MTTP: variants seen among roughly 807,000 people sequenced by gnomAD.
MTTP encodes the protein microsomal triglyceride transfer protein, also known as microsomal triglyceride transfer protein large subunit.
In MTTP, 49 loss-of-function variants were observed where a neutral mutation model predicts 90.6. The ratio of observed to expected loss-of-function variants is 0.54; its 90% CI spans 0.43 to 0.69. The LOEUF is 0.69. Ranked by LOEUF, MTTP falls within the 30% of genes least tolerant of loss-of-function variation. The pLI, the probability that MTTP is intolerant of heterozygous loss-of-function variation, is 0.00. For missense variants in MTTP, 945 were observed against 1,067.5 expected (o/e 0.89, Z 1.60); for synonymous variants, 347 against 384.2 (o/e 0.90, Z 1.13).
In MTTP at chr4:99,581,917, G is replaced by C; in HGVS notation, c.74G>C (p.Gly25Ala). The C allele has an allele frequency of 6.2e-6, 10 of 1,614,064 alleles. No homozygotes were observed. The highest frequency in any genetic ancestry group is 8.5e-6 in the Non-Finnish European group (10 of 1,179,956). ...YSASVKGHTT[G>A]LSLNNDRLYK... is the part of the protein sequence containing the mutation. Reference sequence around the variant, plus strand: ...TATCTTTATGCAGGTCACACAACTGGTCTCTCATTAAATAATGACCGGCTG... The same window carrying C: ...TATCTTTATGCAGGTCACACAACTGCTCTCTCATTAAATAATGACCGGCTG... The change falls in exon 2 of 18, where the codon GGT becomes GCT. Residue 25 changes from glycine to alanine, a missense_variant. Coordinates refer to ENST00000265517, the MANE Select transcript of MTTP (RefSeq NM_001386140.1).
At chr4:99,595,702 A>T (rs940670928) in intron 7 of MTTP, 3 of 152,110 alleles carry the variant, frequency 2.0e-5, no homozygotes, top group African/African-American at 7.2e-5. Flanking sequence ...GGAAAAAGGA[A>T]ACATTTTAAA....
At chr4:99,622,405 A>G (rs1726258394) in intron 17 of MTTP, among the ~76,000 whole-genome samples, 1 of 152,214 alleles carries the variant, frequency 6.6e-6, no homozygotes, top group African/African-American at 2.4e-5. Flanking sequence ...GCAAAGCTTA[A>G]TGGCATCACC....
At position 99,611,376 on chromosome 4, in the gene MTTP, T is replaced by G; in HGVS notation, c.1912T>G (p.Ser638Ala). The G allele has an allele frequency of 6.2e-7, 1 of 1,614,012 alleles. No homozygotes were observed. Among genetic ancestry groups the G allele is most frequent in the Non-Finnish European group, 8.5e-7 (1 of 1,179,900 alleles). ...ASTYSLDILY[S>A]GSGILRRSNL... ...TACTTACAGCCTAGACATTCTCTAC[T>G]CGGGTTCTGGCATTCTAAGGAGAAG... is the stretch of plus-strand genomic sequence containing the variant. Residue 638 changes from serine (S) to alanine (A), a missense_variant, in exon 14 of 18, where the codon TCG (serine) becomes GCG (alanine). Transcript: ENST00000265517.
In MTTP at chr4:99,583,379, G is replaced by A. The variant is rs1399146899; in HGVS notation, c.255G>A (p.Lys85=). 6.2e-7 allele frequency: 1 copy of A among 1,612,972 alleles called. No individual in the cohort carries two copies. The highest frequency in any genetic ancestry group is 8.5e-7 in the Non-Finnish European group (1 of 1,179,568). Residue 85 remains lysine (K), a synonymous_variant, in exon 3 of 18, where the codon AAG becomes AAA. Transcript: ENST00000265517. ...CTTTCTTTCTGTTACTCCAGATGAA[G>A]GATGTAAATGTTGAAAATGTGAATC... ...DDDQLIQITM[K]DVNVENVNQQ...
intron 12 of MTTP, among the ~76,000 whole-genome samples, chr4:99,610,433 C>T (rs1485655059): frequency 6.6e-6 from 1 of 152,152 alleles, no homozygotes; most frequent in Non-Finnish European, 1.5e-5. Flanking sequence ...ATGCCATTGC[C>T]TCCCCTCAAT....
At chr4:99,568,032 T>C (rs1012288650) in intron 1 of MTTP, among the ~76,000 whole-genome samples, 3 of 152,022 alleles carry the variant, frequency 2.0e-5, no homozygotes, top group African/African-American at 7.2e-5. Context: ...AAGTTTTAAA[T>C]AATAGAAAAT....
intron 11 of MTTP, among the ~76,000 whole-genome samples, chr4:99,607,271 C>A (rs907250887): frequency 6.6e-6 from 1 of 152,018 alleles, no homozygotes; most frequent in Admixed American, 6.6e-5. Flanking sequence ...ACTGAAATAT[C>A]CTGGTTTAAG....
intron 10 of MTTP, among the ~76,000 whole-genome samples, chr4:99,605,899 C>A (rs1826274): frequency 3.2e-5 from 3 of 94,232 alleles, no homozygotes; most frequent in African/African-American, 6.6e-5. Flanking sequence ...ATGTGTGTGT[C>A]TGTGTGTTTG....
chr4:99,617,124 T>A (rs572527403), intron 15 of MTTP, among the ~76,000 whole-genome samples: 1 of 152,334 alleles, frequency 6.6e-6, no homozygotes, highest in Admixed American at 6.5e-5. Context: ...TTCACAGGCA[T>A]AGGTGAAAAT....
intron 15 of MTTP, among the ~76,000 whole-genome samples, chr4:99,614,445 G>T (rs889574159): frequency 1.3e-5 from 2 of 152,162 alleles, no homozygotes; most frequent in Admixed American, 1.3e-4. Flanking sequence ...TATCTTTCTT[G>T]TTCCTCATAT....
chr4:99,610,374 T>C (rs1344043420), intron 12 of MTTP, among the ~76,000 whole-genome samples: 1 of 152,188 alleles, frequency 6.6e-6, no homozygotes, highest in African/African-American at 2.4e-5. Context: ...TTTGCTTCTC[T>C]AGGCTAAAAT....
chr4:99,564,917 C>G (rs1724630021), intron 1 of MTTP, among the ~76,000 whole-genome samples: 1 of 152,186 alleles, frequency 6.6e-6, no homozygotes, highest in South Asian at 2.1e-4. Flanking sequence ...GTCACTCTTG[C>G]CATAAGCCCT....
At chr4:99,594,259 G>A (rs1467510602) in intron 6 of MTTP, among the ~76,000 whole-genome samples, 4 of 152,148 alleles carry the variant, frequency 2.6e-5, no homozygotes, top group African/African-American at 9.7e-5. Context: ...TCCTACCCAG[G>A]TTCAAGGAGA....
At chr4:99,611,501 AG>A in intron 14 of MTTP, 48 bp downstream of exon 14, 2 of 1,603,388 alleles carry the variant, frequency 1.2e-6, no homozygotes, top group Non-Finnish European at 1.7e-6. Flanking sequence ...GCAAGAAATC[AG>A]GCTGAGGTAA....
intron 1 of MTTP, among the ~76,000 whole-genome samples, chr4:99,579,025 A>T (rs1000232054): frequency 6.6e-6 from 1 of 152,198 alleles, no homozygotes; most frequent in Non-Finnish European, 1.5e-5. Flanking sequence ...AGACATAGAG[A>T]TAAGAGGGAA....
chr4:99,574,374 T>C (rs1377737824), upstream of MTTP, among the ~76,000 whole-genome samples: 1 of 152,212 alleles, frequency 6.6e-6, no homozygotes. Flanking sequence ...TAAAATTCAG[T>C]GTGAATTTTT....
intron 15 of MTTP, among the ~76,000 whole-genome samples, chr4:99,613,687 CTTA>C (rs1278412601): frequency 6.6e-6 from 1 of 152,168 alleles, no homozygotes; most frequent in Admixed American, 6.5e-5. Context: ...TGTGTTCATT[CTTA>C]GAGTATAGGA....
intron 1 of MTTP, among the ~76,000 whole-genome samples, chr4:99,580,306 G>A (rs551294556): frequency 5.9e-5 from 9 of 151,602 alleles, no homozygotes; most frequent in East Asian, 2.0e-4. Flanking sequence ...CCAGCCAGAC[G>A]TGGTAGCTCA....
At chr4:99,587,896 G>C (rs1261580750) in intron 3 of MTTP, among the ~76,000 whole-genome samples, 1 of 152,078 alleles carries the variant, frequency 6.6e-6, no homozygotes, top group Non-Finnish European at 1.5e-5. Context: ...CTCAGGCTTG[G>C]GTCTGAGATA....
Sources: gnomAD v4.1 joint callset for allele counts (sites outside exome capture counted in the v4.1 genomes callset) on GRCh38, gnomAD v4.1.1 for gene constraint, MANE v1.5 for transcripts, NCBI Gene and HGNC (gene_info 2026-07-23, HGNC 2026-07-21) for gene names.